The following BBOX1 variants were observed in gnomAD, a reference collection of about 807,000 sequenced individuals.
The protein encoded by BBOX1 is gamma-butyrobetaine dioxygenase.
Under a neutral mutation model 41.6 loss-of-function variants are expected in BBOX1, and 35 were observed. That is an observed-to-expected ratio of 0.84 (90% CI 0.64 to 1.11). The LOEUF (loss-of-function observed/expected upper bound fraction) is 1.11, where lower values mean the gene tolerates loss of function less well. Ranked by LOEUF, BBOX1 falls within the 50% of genes most tolerant of loss-of-function variation. The pLI is 0.00. For missense variants in BBOX1, 458 were observed against 460.6 expected, an observed-to-expected ratio of 0.99 and a Z score of 0.05; for synonymous variants, 163 against 154.7, an observed-to-expected ratio of 1.05 and a Z score of -0.40.
At chr11:27,063,273 G>C (rs1209805612) in intron 4 of BBOX1, among the ~76,000 whole-genome samples, 4 of 152,036 alleles carry the variant, frequency 2.6e-5, no homozygotes, top group Non-Finnish European at 5.9e-5. Context: ...TTAGAGACAA[G>C]GTTTTTATGT....
intron 5 of BBOX1, among the ~76,000 whole-genome samples, chr11:27,106,287 AC>A (rs1858860959): frequency 1.6e-5 from 1 of 60,808 alleles, no homozygotes; most frequent in Non-Finnish European, 3.2e-5. Context: ...ATTAAAAGGC[AC>A]AGACTGGCAA....
intron 2 of BBOX1, among the ~76,000 whole-genome samples, chr11:27,046,918 A>ATT (rs71449139): frequency 6.7e-6 from 1 of 148,526 alleles, no homozygotes; most frequent in African/African-American, 2.4e-5. Context: ...ATGATCTGCA[A>ATT]TTTTTTTTTT....
At position 27,093,233 on chromosome 11, in the gene BBOX1, G is replaced by C. The variant is rs897901925; in HGVS notation, c.400G>C (p.Asp134His). The C allele has an allele frequency of 1.2e-6, 2 of 1,612,494 alleles. No homozygotes were observed. The highest frequency in any genetic ancestry group is 1.7e-6 in the Non-Finnish European group (2 of 1,179,006). The change falls in exon 5 of 9, where the codon GAT (aspartate) becomes CAT (histidine). Residue 134 changes from aspartate (D) to histidine (H), a missense_variant. Asp to His is a moderately conservative substitution (Grantham distance 81). Transcript: ENST00000263182. ...GGATTTTGAAGATGTTTTAAGATAT[G>C]ATGAACACGCATACAAGTGGCTCTC... ...TLDFEDVLRY[D>H]EHAYKWLSTL...
intron 2 of BBOX1, among the ~76,000 whole-genome samples, chr11:27,048,962 T>C (rs1319608940): frequency 1.4e-5 from 2 of 143,200 alleles, no homozygotes; most frequent in African/African-American, 5.2e-5. Context: ...ATATTCTCAT[T>C]GTTAAATTCC....
rs1167735824 is a variant in BBOX1 at position 27,055,593 on chromosome 11, G to C, written c.163G>C (p.Val55Leu). The change falls in exon 3 of 9, where the codon GTG (valine) becomes CTG (leucine). Residue 55 changes from valine to leucine, a missense_variant. Val to Leu is a conservative substitution (Grantham distance 32). Transcript: ENST00000263182. The part of the protein sequence containing the change: ...LDSAKARKLL[V>L]EALDVNIGIK... The stretch of plus-strand genomic sequence containing the variant: ...TTCTGCAAAAGCACGGAAACTTCTA[G>C]TGGAAGCTCTTGATGTGAACATTGG... 4.3e-6 allele frequency: 7 copies of C among 1,614,046 alleles called. No homozygotes were observed. Among genetic ancestry groups the C allele is most frequent in the African/African-American group, 1.3e-5 (1 of 74,934 alleles).
At chr11:27,048,788 A>G (rs923393409) in intron 2 of BBOX1, among the ~76,000 whole-genome samples, 3 of 144,356 alleles carry the variant, frequency 2.1e-5, no homozygotes, top group Non-Finnish European at 4.5e-5. Context: ...TTTAGGGTAC[A>G]TGTGCCCATT....
chr11:27,094,632 C>A (rs1411053692), intron 5 of BBOX1, among the ~76,000 whole-genome samples: 1 of 151,942 alleles, frequency 6.6e-6, no homozygotes, highest in African/African-American at 2.4e-5. Context: ...TCCACGCTCT[C>A]CAGACCTGCA....
chr11:27,125,862 T>A (rs751333328), intron 8 of BBOX1, 42 bp downstream of exon 8: 2 of 1,579,406 alleles, frequency 1.3e-6, no homozygotes, highest in South Asian at 2.3e-5. Context: ...AGCATGGATT[T>A]TCTTCAACCT....
chr11:27,064,074 A>C (rs1406855124), intron 4 of BBOX1, among the ~76,000 whole-genome samples: 1 of 152,166 alleles, frequency 6.6e-6, no homozygotes, highest in Admixed American at 6.5e-5. Flanking sequence ...CCCCATCTCT[A>C]AGCCTTGCTA....
At chr11:27,109,276 G>A (rs752866350) in intron 5 of BBOX1, among the ~76,000 whole-genome samples, 48 of 152,164 alleles carry the variant, frequency 3.2e-4, no homozygotes, top group Non-Finnish European at 5.4e-4. Flanking sequence ...AAAGTCCTAT[G>A]GGGCATCTCC....
intron 2 of BBOX1, among the ~76,000 whole-genome samples, chr11:27,042,343 T>A (rs1037757230): frequency 6.6e-6 from 1 of 152,232 alleles, no homozygotes; most frequent in African/African-American, 2.4e-5. Context: ...GTTTTTCTAA[T>A]GGCATTATTT....
At chr11:27,074,274 G>A (rs1199190295) in intron 4 of BBOX1, among the ~76,000 whole-genome samples, 2 of 151,936 alleles carry the variant, frequency 1.3e-5, no homozygotes, top group African/African-American at 4.8e-5. Flanking sequence ...ATAGCAGTGT[G>A]AGAATGCACT....
chr11:27,082,001 T>C (rs1409396718), intron 4 of BBOX1, among the ~76,000 whole-genome samples: 1 of 152,162 alleles, frequency 6.6e-6, no homozygotes, highest in East Asian at 1.9e-4. Flanking sequence ...TCCCATTCTG[T>C]AGGTTGCCTG....
At chr11:27,057,888 C>T (rs2133966227) in intron 4 of BBOX1, among the ~76,000 whole-genome samples, 1 of 152,076 alleles carries the variant, frequency 6.6e-6, no homozygotes, top group East Asian at 1.9e-4. Flanking sequence ...ATAAACAGAA[C>T]AATGTTCAGA....
At chr11:27,044,980 C>T (rs1050177627) in intron 2 of BBOX1, among the ~76,000 whole-genome samples, 6 of 152,272 alleles carry the variant, frequency 3.9e-5, no homozygotes, top group South Asian at 2.1e-4. Context: ...TCAATTATAG[C>T]TTGATGGGGA....
intron 2 of BBOX1, among the ~76,000 whole-genome samples, chr11:27,050,288 T>A (rs1294647682): frequency 6.6e-6 from 1 of 152,186 alleles, no homozygotes; most frequent in Non-Finnish European, 1.5e-5. Flanking sequence ...GATAATGTGA[T>A]AGTTCCAACT....
intron 7 of BBOX1, among the ~76,000 whole-genome samples, chr11:27,125,301 G>A (rs895822044): frequency 1.3e-5 from 2 of 152,112 alleles, no homozygotes. Context: ...TAGAACAATT[G>A]ACCTATAAAT....
intron 5 of BBOX1, among the ~76,000 whole-genome samples, chr11:27,107,426 T>C (rs1229154139): frequency 6.6e-6 from 1 of 152,078 alleles, no homozygotes; most frequent in East Asian, 1.9e-4. Context: ...GCATCTATGA[T>C]AAAAGCAGGA....
intron 5 of BBOX1, among the ~76,000 whole-genome samples, chr11:27,107,598 GC>G (rs1382495621): frequency 4.6e-5 from 7 of 151,826 alleles, no homozygotes; most frequent in Non-Finnish European, 2.9e-5. Flanking sequence ...TTGAGTTGTT[GC>G]CTTACTTGGA....
Sources: allele counts gnomAD v4.1 joint callset (sites outside exome capture counted in the v4.1 genomes callset), GRCh38; gene constraint gnomAD v4.1.1; transcripts MANE v1.5; gene names NCBI Gene and HGNC (gene_info 2026-07-23, HGNC 2026-07-21).